Variants in TNFSF4 observed in about 807,000 individuals in gnomAD.
TNFSF4 encodes the protein TNF superfamily member 4.
Under a neutral mutation model 7.3 loss-of-function variants are expected in TNFSF4, and 4 were observed. The observed-to-expected ratio is 0.55, with a 90% CI of 0.27 to 1.25. The LOEUF (loss-of-function observed/expected upper bound fraction) is 1.25. Ranked by LOEUF, TNFSF4 falls within the 50% of genes most tolerant of loss-of-function variation. TNFSF4 has a pLI of 0.12. For synonymous variants in TNFSF4, 76 were observed against 83.7 expected, an observed-to-expected ratio of 0.91 and a Z score of 0.50; for missense variants, 181 against 208.8, an observed-to-expected ratio of 0.87 and a Z score of 0.82.
chr1:173,231,217 T>A, the TNFSF4 span, among the ~76,000 whole-genome samples: 2 of 152,162 alleles, frequency 1.3e-5, no homozygotes, highest in Non-Finnish European at 1.5e-5. Context: ...GCAAACCGAA[T>A]CCAGCAGCAT....
At chr1:173,296,769 C>T in the TNFSF4 span, among the ~76,000 whole-genome samples, 132,806 of 151,926 alleles carry the variant, frequency 0.87, 58,144 homozygotes, top group East Asian at 0.99. Flanking sequence ...CTTTAGCCAT[C>T]GCCAATCATG....
the TNFSF4 span, among the ~76,000 whole-genome samples, chr1:173,226,639 A>G: frequency 4.1e-4 from 63 of 152,270 alleles, no homozygotes; most frequent in Non-Finnish European, 6.8e-4. Context: ...AAGATTCATC[A>G]GTTTTCTCAA....
chr1:173,188,399 T>A, intron 2 of TNFSF4, 122 bp downstream of exon 2: 1 of 761,218 alleles, frequency 1.3e-6, no homozygotes, highest in Non-Finnish European at 2.2e-6. Context: ...TTCTGGGATT[T>A]AATTGGAATT....
chr1:173,351,675 G>A, the TNFSF4 span: 2 of 297,918 alleles, frequency 6.7e-6, no homozygotes, highest in Non-Finnish European at 1.2e-5. Context: ...GAAGTTTATA[G>A]CACTAAATGC....
At chr1:173,383,024 ATC>A in the TNFSF4 span, among the ~76,000 whole-genome samples, 1 of 152,146 alleles carries the variant, frequency 6.6e-6, no homozygotes, top group African/African-American at 2.4e-5. Context: ...TCTGCTTGGG[ATC>A]TCTGTTTGAC....
the TNFSF4 span, among the ~76,000 whole-genome samples, chr1:173,423,802 A>G: frequency 6.6e-6 from 1 of 152,214 alleles, no homozygotes; most frequent in Non-Finnish European, 1.5e-5. Flanking sequence ...GAGTGTCTTC[A>G]TCTGTTTATG....
At chr1:173,441,620 T>A in the TNFSF4 span, among the ~76,000 whole-genome samples, 1 of 152,148 alleles carries the variant, frequency 6.6e-6, no homozygotes, top group South Asian at 2.1e-4. Flanking sequence ...CGAGACTCTG[T>A]CTCAAAAAAA....
the TNFSF4 span, among the ~76,000 whole-genome samples, chr1:173,337,666 T>G: frequency 6.6e-6 from 1 of 152,212 alleles, no homozygotes; most frequent in Non-Finnish European, 1.5e-5. Flanking sequence ...ATCCTCCCAG[T>G]GGACAGAACT....
the TNFSF4 span, among the ~76,000 whole-genome samples, chr1:173,436,553 GCACCTGCCACCA>G: frequency 6.6e-6 from 1 of 152,166 alleles, no homozygotes. Context: ...GGGATTACAG[GCACCTGCCACCA>G]CACCTGGCTA....
chr1:173,427,423 C>T, the TNFSF4 span, among the ~76,000 whole-genome samples: 2 of 152,094 alleles, frequency 1.3e-5, no homozygotes, highest in Admixed American at 6.6e-5. Context: ...CGCCCCCCCA[C>T]TGACCCCACA....
the TNFSF4 span, among the ~76,000 whole-genome samples, chr1:173,407,559 CAAAAAAAAAAAAAAAA>C: frequency 3.1e-4 from 22 of 72,066 alleles, 1 homozygote; most frequent in African/African-American, 1.2e-3. Context: ...GACTCTGCCT[CAAAAAAAAAAAAAAAA>C]AAAAAAAAGT....
chr1:173,432,107 C>T, the TNFSF4 span, among the ~76,000 whole-genome samples: 2 of 152,100 alleles, frequency 1.3e-5, no homozygotes, highest in Admixed American at 6.5e-5. Flanking sequence ...GCATTTGGCA[C>T]GTAATAATGT....
At chr1:173,439,428 C>T in the TNFSF4 span, among the ~76,000 whole-genome samples, 2 of 152,194 alleles carry the variant, frequency 1.3e-5, no homozygotes, top group Admixed American at 1.3e-4. Context: ...GTGAGCACAG[C>T]TACTGTCCTT....
the TNFSF4 span, among the ~76,000 whole-genome samples, chr1:173,310,811 T>C: frequency 6.6e-6 from 1 of 151,862 alleles, no homozygotes; most frequent in East Asian, 1.9e-4. Context: ...CGTTAATAGG[T>C]GCATACAAAT....
the TNFSF4 span, among the ~76,000 whole-genome samples, chr1:173,257,411 A>G: frequency 6.6e-6 from 1 of 152,348 alleles, no homozygotes; most frequent in East Asian, 1.9e-4. Context: ...GCCAAACTTC[A>G]CAGTTAAGGG....
At chr1:173,337,025 T>C in the TNFSF4 span, among the ~76,000 whole-genome samples, 1 of 152,088 alleles carries the variant, frequency 6.6e-6, no homozygotes, top group South Asian at 2.1e-4. Flanking sequence ...AAGGAAAGGC[T>C]CTGCAGTAAA....
At chr1:173,354,547 T>C in the TNFSF4 span, among the ~76,000 whole-genome samples, 4 of 152,140 alleles carry the variant, frequency 2.6e-5, no homozygotes, top group Non-Finnish European at 5.9e-5. Flanking sequence ...AAAAAGGAAA[T>C]CTCAGGCCAA....
At chr1:173,419,024 G>A in the TNFSF4 span, among the ~76,000 whole-genome samples, 4 of 152,192 alleles carry the variant, frequency 2.6e-5, no homozygotes, top group Admixed American at 6.5e-5. Flanking sequence ...CCACGGTGGG[G>A]CTGGTGGCTT....
the TNFSF4 span, among the ~76,000 whole-genome samples, chr1:173,305,180 C>T: frequency 6.6e-6 from 1 of 151,642 alleles, no homozygotes; most frequent in African/African-American, 2.4e-5. Context: ...TGTTATGAAA[C>T]ATGCCAAAAG....
Sources: gnomAD v4.1 joint callset for allele counts (sites outside exome capture counted in the v4.1 genomes callset) on GRCh38, gnomAD v4.1.1 for gene constraint, MANE v1.5 for transcripts, NCBI Gene and HGNC (gene_info 2026-07-23, HGNC 2026-07-21) for gene names.